Variants in KYNU observed in about 807,000 individuals in gnomAD.
KYNU encodes the protein L-kynurenine hydrolase.
Under a neutral mutation model 59.2 loss-of-function variants are expected in KYNU, and 54 were observed. The observed-to-expected ratio is 0.91, with a 90% confidence interval of 0.73 to 1.14. The LOEUF is 1.14. Among genes scored for constraint, KYNU ranks in the 50% most tolerant of loss-of-function variants. The pLI, the probability that KYNU is intolerant of heterozygous loss-of-function variation, is 0.00. For missense variants in KYNU, 567 were observed against 554.4 expected, an observed-to-expected ratio of 1.02 and a Z score of -0.23; for synonymous variants, 177 against 192.0, an observed-to-expected ratio of 0.92 and a Z score of 0.65.
rs1247940102 is a variant in KYNU, at chr2:143,040,669, C to T, written c.1272+11C>T. On this transcript the variant is annotated intron_variant, in intron 13 of 13. Coordinates refer to ENST00000264170, the MANE Select transcript of KYNU (RefSeq NM_003937.3). ...AAAAGAGGAGTGGTTGTAAGTATGT[C>T]TTGCTTTGCTACCAGATTTTGTCTA... The T allele has an allele frequency of 2.6e-6, 4 of 1,554,342 alleles. No homozygotes were observed. Among genetic ancestry groups the T allele is most frequent in the Non-Finnish European group, 3.5e-6 (4 of 1,135,776 alleles).
In KYNU at chr2:142,972,813, T is replaced by TAGAGAGAG. The variant is rs66473877; in HGVS notation, c.729+12063_729+12070dup. On this transcript the variant is annotated intron_variant, in intron 8 of 13. Coordinates refer to ENST00000264170, the MANE Select transcript of KYNU (RefSeq NM_003937.3). ...GGCCATATATATATATATATATATA[T>TAGAGAGAG]AGAGAGAGAGAGAGAGAGAGAGAGA... is the stretch of plus-strand genomic sequence containing the variant. Among the ~76,000 whole-genome samples the TAGAGAGAG allele has an allele frequency of 8.6e-3, 1,070 of 124,156 alleles. 9 individuals are homozygous for TAGAGAGAG. The highest frequency in any genetic ancestry group is 0.046 in the East Asian group (187 of 4,072). 81.5% of individuals were successfully genotyped at this position (124,156 alleles called of 152,430 possible).
chr2:142,978,361 A>G (rs1684949282), intron 8 of KYNU, among the ~76,000 whole-genome samples: 1 of 152,158 alleles, frequency 6.6e-6, no homozygotes, highest in Non-Finnish European at 1.5e-5. Context: ...ATTGTTTCTT[A>G]TTACTTTTGC....
intron 4 of KYNU, among the ~76,000 whole-genome samples, chr2:142,936,379 A>G (rs1211085882): frequency 6.6e-6 from 1 of 152,148 alleles, no homozygotes; most frequent in East Asian, 1.9e-4. Context: ...CTTAGGGTGG[A>G]TATCTTGTCT....
chr2:142,925,342 CTA>C (rs1683016354), intron 3 of KYNU, among the ~76,000 whole-genome samples: 1 of 152,048 alleles, frequency 6.6e-6, no homozygotes, highest in Non-Finnish European at 1.5e-5. Flanking sequence ...TCTTAGCAGC[CTA>C]TGTTTATTCT....
chr2:143,019,094 A>G (rs1194734549), intron 10 of KYNU, among the ~76,000 whole-genome samples: 1 of 151,992 alleles, frequency 6.6e-6, no homozygotes, highest in Non-Finnish European at 1.5e-5. Context: ...AGATAATTTA[A>G]CTTCTTCTTT....
intron 8 of KYNU, among the ~76,000 whole-genome samples, chr2:142,973,419 C>G (rs1488975999): frequency 6.6e-6 from 1 of 152,130 alleles, no homozygotes; most frequent in Non-Finnish European, 1.5e-5. Flanking sequence ...CAATTACCCT[C>G]ATATAGGGAA....
At chr2:142,953,585 CTATT>C (rs1684066119) in intron 4 of KYNU, among the ~76,000 whole-genome samples, 3 of 152,264 alleles carry the variant, frequency 2.0e-5, no homozygotes, top group African/African-American at 7.2e-5. Flanking sequence ...ATATTCATAT[CTATT>C]TAGTATATCC....
chr2:142,924,480 G>A (rs1394901700), intron 3 of KYNU, among the ~76,000 whole-genome samples: 1 of 152,146 alleles, frequency 6.6e-6, no homozygotes, highest in Non-Finnish European at 1.5e-5. Context: ...GGCAGCCCAT[G>A]AAATTGTAAT....
intron 10 of KYNU, among the ~76,000 whole-genome samples, chr2:142,999,357 G>T (rs1310652354): frequency 2.0e-5 from 3 of 152,100 alleles, no homozygotes; most frequent in African/African-American, 7.2e-5. Flanking sequence ...TTAAGTGATT[G>T]CTTTGAATGG....
intron 10 of KYNU, among the ~76,000 whole-genome samples, chr2:143,000,303 C>G (rs1197431539): frequency 6.6e-6 from 1 of 152,086 alleles, no homozygotes; most frequent in Non-Finnish European, 1.5e-5. Context: ...AATCTTTATG[C>G]CATGTTTTAC....
At chr2:143,012,626 A>T (rs148656003) in intron 10 of KYNU, among the ~76,000 whole-genome samples, 37 of 152,210 alleles carry the variant, frequency 2.4e-4, no homozygotes, top group African/African-American at 7.9e-4. Flanking sequence ...GATGTATGGG[A>T]TACATAGAAG....
intron 2 of KYNU, among the ~76,000 whole-genome samples, chr2:142,889,240 A>G (rs1681620756): frequency 6.6e-6 from 1 of 152,220 alleles, no homozygotes; most frequent in South Asian, 2.1e-4. Context: ...GTTGAATGAA[A>G]GAAATGAATA....
At chr2:142,887,168 TCAACAACAACAA>T (rs78289913) in intron 2 of KYNU, among the ~76,000 whole-genome samples, 4 of 150,374 alleles carry the variant, frequency 2.7e-5, no homozygotes. Flanking sequence ...AGGCTCCATC[TCAACAACAACAA>T]CAACAACAAC....
At chr2:142,878,040 GT>G (rs1423916448) in intron 1 of KYNU, among the ~76,000 whole-genome samples, 2 of 152,114 alleles carry the variant, frequency 1.3e-5, no homozygotes, top group African/African-American at 4.8e-5. Flanking sequence ...TCTTATTTGA[GT>G]TTAAGCGGTA....
At chr2:142,918,462 G>A (rs1682748234) in intron 2 of KYNU, 147 bp from the exon 3 acceptor site, 2 of 831,366 alleles carry the variant, frequency 2.4e-6, no homozygotes, top group South Asian at 2.2e-5. Flanking sequence ...ATTTTTTAGA[G>A]GACCTGATGT....
Position 142,960,779 on chromosome 2 carries a change from G to C in KYNU, c.729+9G>C, listed in dbSNP as rs116104452. 3 of 1,613,126 alleles carry C rather than the reference G, an allele frequency of 1.9e-6. No individual in the cohort carries two copies. Among genetic ancestry groups the C allele is most frequent in the African/African-American group, 1.3e-5 (1 of 74,752 alleles). On this transcript the variant is annotated intron_variant, in intron 8 of 13. Transcript: ENST00000264170. ...AAGCTGGACAAGCGAAGGTATGCAC[G>C]CCATTTACTTCTTCCCACCTTACTC...
chr2:142,939,549 C>T (rs1173913325), intron 4 of KYNU, among the ~76,000 whole-genome samples: 2 of 133,224 alleles, frequency 1.5e-5, no homozygotes, highest in African/African-American at 2.8e-5. Flanking sequence ...TTGCAGTGAG[C>T]TGAGATTGTG....
chr2:142,978,362 T>A (rs1252889683), intron 8 of KYNU, among the ~76,000 whole-genome samples: 1 of 152,194 alleles, frequency 6.6e-6, no homozygotes, highest in African/African-American at 2.4e-5. Context: ...TTGTTTCTTA[T>A]TACTTTTGCA....
At chr2:142,932,681 G>C (rs758897016) in intron 4 of KYNU, among the ~76,000 whole-genome samples, 8 of 149,976 alleles carry the variant, frequency 5.3e-5, no homozygotes, top group Non-Finnish European at 1.2e-4. Flanking sequence ...GTCAGTGTGA[G>C]AGCTTGAGTG....
Sources: gnomAD v4.1 joint callset for allele counts (sites outside exome capture counted in the v4.1 genomes callset) on GRCh38, gnomAD v4.1.1 for gene constraint, MANE v1.5 for transcripts, NCBI Gene and HGNC (gene_info 2026-07-23, HGNC 2026-07-21) for gene names.